Variants in CEP120 observed in about 807,000 individuals in gnomAD.
The protein encoded by CEP120 is centrosomal protein of 120 kDa.
Under a neutral mutation model 126.5 loss-of-function variants are expected in CEP120, and 113 were observed. That is an observed-to-expected ratio of 0.89 (90% CI 0.77 to 1.04). The LOEUF is 1.04. Ranked by LOEUF, CEP120 falls within the 50% of genes least tolerant of loss-of-function variation. The pLI is 0.00. For missense variants in CEP120, 1,230 were observed against 1,155.7 expected (o/e 1.06, Z -0.93); for synonymous variants, 400 against 394.3 (o/e 1.01, Z -0.17).
chr5:123,383,127 T>C, intron 11 of CEP120, 45 bp from the exon 12 acceptor site: 1 of 1,114,306 alleles, frequency 9.0e-7, no homozygotes, highest in East Asian at 2.6e-5. Flanking sequence ...AGAAATACTT[T>C]ATATTATTTT....
intron 18 of CEP120, among the ~76,000 whole-genome samples, chr5:123,357,369 T>G (rs1247960589): frequency 6.6e-6 from 1 of 152,090 alleles, no homozygotes; most frequent in Non-Finnish European, 1.5e-5. Context: ...AATATTGCTT[T>G]CTCCCCATTC....
intron 17 of CEP120, among the ~76,000 whole-genome samples, chr5:123,371,066 T>C (rs1770819225): frequency 6.6e-6 from 1 of 152,036 alleles, no homozygotes; most frequent in Non-Finnish European, 1.5e-5. Context: ...GGCCAAAAAT[T>C]ACCTTTACTT....
intron 4 of CEP120, chr5:123,401,982 G>T (rs1186004518): frequency 3.2e-5 from 52 of 1,603,156 alleles, no homozygotes; most frequent in Non-Finnish European, 4.3e-5. Context: ...GCTCCACTTG[G>T]TCTCCAGCAT....
At chr5:123,414,124 G>A (rs182265754) in intron 3 of CEP120, among the ~76,000 whole-genome samples, 3 of 152,294 alleles carry the variant, frequency 2.0e-5, no homozygotes, top group Admixed American at 2.0e-4. Flanking sequence ...AATGCCAAGA[G>A]TATTTAGAGG....
chr5:123,345,568 A>G lies in CEP120; in HGVS notation c.*951T>C, dbSNP rs947155681. On this transcript the variant is annotated 3_prime_UTR_variant, in exon 20 of 20. Transcript: ENST00000306467. ...TGAGGACAAATGTTGGCTCTGAAGA[A>G]TATGATATAAAGGAACTCTTAAGAG... 6 of 152,206 alleles carry G rather than the reference A, an allele frequency of 3.9e-5. No homozygotes were observed. Among genetic ancestry groups the G allele is most frequent in the Non-Finnish European group, 4.4e-5 (3 of 68,042 alleles). 9.4% of individuals were successfully genotyped at this position (152,206 alleles called of 1,614,324 possible).
At position 123,383,086 on chromosome 5, in the gene CEP120, CAAATA is replaced by C. The variant is rs1771771063; in HGVS notation, c.1764-9_1764-5del. 3.6e-6 allele frequency: 5 copies of C among 1,394,258 alleles called. No individual in the cohort carries two copies. Among genetic ancestry groups the C allele is most frequent in the African/African-American group, 1.4e-5 (1 of 69,318 alleles). The allele number at this position is 1,394,258 out of a possible 1,614,324, so 86.4% of individuals were successfully genotyped here. A position where few individuals can be genotyped will look rare whatever the true frequency, so the allele number is the denominator to read the frequency against. Reference sequence around the variant, plus strand: ...ATCTGCTATCCTGTTATTTGATCTACAAATAAAATAAGAAATACCTTAAAATTCAC... The same window carrying C: ...ATCTGCTATCCTGTTATTTGATCTACAAATAAGAAATACCTTAAAATTCAC... On this transcript the variant is annotated splice_polypyrimidine_tract_variant and splice_region_variant and intron_variant, in intron 11 of 19. Transcript: ENST00000306467.
chr5:123,402,561 G>A (rs1207944410), intron 4 of CEP120, among the ~76,000 whole-genome samples: 3 of 152,090 alleles, frequency 2.0e-5, no homozygotes, highest in Non-Finnish European at 2.9e-5. Flanking sequence ...ACAGGCTTGT[G>A]CCACCAAGCC....
chr5:123,372,863 C>G lies in CEP120; in HGVS notation c.2359-91G>C, dbSNP rs1770946054. The G allele has an allele frequency of 7.2e-6, 7 of 977,348 alleles. No homozygotes were observed. In the South Asian group the frequency reaches 1.1e-4, roughly 15 times the overall value. 60.5% of individuals were successfully genotyped at this position (977,348 alleles called of 1,614,324 possible). ...ATTCAACAAGGTCTTTTTTTTTATT[C>G]TACAGCATGCTCATAGTAGAAAATC... On this transcript the variant is annotated intron_variant, in intron 16 of 19. Transcript: ENST00000306467.
rs191343869 is a variant in CEP120 at position 123,422,549 on chromosome 5, C to T, written c.49+401G>A. The T allele has an allele frequency of 1.4e-5, 21 of 1,535,452 alleles. No individual in the cohort carries two copies. In the Admixed American group the frequency reaches 1.6e-4, roughly 11 times the overall value. On this transcript the variant is annotated intron_variant, in intron 1 of 19. Coordinates refer to ENST00000306467, the MANE Select transcript of CEP120 (RefSeq NM_001375405.1). ...CAAGACGTGTAAAGGGAATTGCCTC[C>T]GGAACACTTCTGGAATCGCAGGAAG...
intron 17 of CEP120, among the ~76,000 whole-genome samples, chr5:123,368,499 C>T (rs1770627803): frequency 6.6e-6 from 1 of 151,848 alleles, no homozygotes; most frequent in South Asian, 2.1e-4. Context: ...AAGAAACTGA[C>T]CAAATATGTA....
chr5:123,422,829 T>C (rs1774806345), intron 1 of CEP120, 121 bp downstream of exon 1: 1 of 959,036 alleles, frequency 1.0e-6, no homozygotes, highest in Admixed American at 1.8e-5. Context: ...TTTGAACAAG[T>C]CTGTGGGGAC....
chr5:123,393,641 G>A, intron 5 of CEP120, 144 bp from the exon 6 acceptor site: 2 of 651,632 alleles, frequency 3.1e-6, no homozygotes, highest in Non-Finnish European at 2.5e-6. Flanking sequence ...CTGAATTTCT[G>A]CCAAATTACT....
chr5:123,394,931 G>A (rs754415196), intron 5 of CEP120, among the ~76,000 whole-genome samples: 2 of 152,188 alleles, frequency 1.3e-5, no homozygotes, highest in Non-Finnish European at 2.9e-5. Context: ...TTTTAGGGTT[G>A]TTGGAAGGAT....
At chr5:123,389,442 G>A (rs1004033004) in intron 8 of CEP120, among the ~76,000 whole-genome samples, 1 of 152,120 alleles carries the variant, frequency 6.6e-6, no homozygotes, top group Non-Finnish European at 1.5e-5. Context: ...ATTATATTTT[G>A]AAGTTAGATA....
At chr5:123,382,279 C>A in intron 13 of CEP120, 79 bp from the exon 14 acceptor site, 2 of 680,636 alleles carry the variant, frequency 2.9e-6, no homozygotes, top group Non-Finnish European at 4.8e-6. Flanking sequence ...GTTAAATAAC[C>A]GATGCTGATC....
chr5:123,355,558 GT>G (rs1195117311), intron 18 of CEP120, among the ~76,000 whole-genome samples: 1 of 152,150 alleles, frequency 6.6e-6, no homozygotes, highest in East Asian at 1.9e-4. Context: ...ATTTTTTCAT[GT>G]GTTTTTTGAC....
intron 10 of CEP120, among the ~76,000 whole-genome samples, chr5:123,385,365 A>AT (rs1771950612): frequency 6.6e-6 from 1 of 152,104 alleles, no homozygotes. Context: ...ATTATATCAT[A>AT]TTTTTACTGT....
chr5:123,402,953 T>C (rs1418401997), intron 4 of CEP120, among the ~76,000 whole-genome samples: 1 of 152,212 alleles, frequency 6.6e-6, no homozygotes, highest in Non-Finnish European at 1.5e-5. Context: ...TATGTGAGGA[T>C]GTAGGACGAA....
intron 5 of CEP120, among the ~76,000 whole-genome samples, chr5:123,396,088 C>G (rs1772774528): frequency 6.6e-6 from 1 of 151,148 alleles, no homozygotes; most frequent in Middle Eastern, 3.2e-3. Context: ...TTGCCTCAGG[C>G]TCCTGAGTAG....
Sources: allele counts gnomAD v4.1 joint callset (sites outside exome capture counted in the v4.1 genomes callset), GRCh38; gene constraint gnomAD v4.1.1; transcripts MANE v1.5; gene names NCBI Gene and HGNC (gene_info 2026-07-23, HGNC 2026-07-21).